The following DAB1 variants were observed in gnomAD, a reference collection of about 807,000 sequenced individuals.
DAB1 encodes disabled homolog 1.
In DAB1, 15 loss-of-function variants were observed where a neutral mutation model predicts 64.6. The observed-to-expected ratio is 0.23, with a 90% CI of 0.16 to 0.36. The LOEUF (loss-of-function observed/expected upper bound fraction) is 0.36, where lower values mean the gene tolerates loss of function less well. Ranked by LOEUF, DAB1 falls within the 10% of genes least tolerant of loss-of-function variation. DAB1 has a pLI of 1.00. For missense variants in DAB1, 596 were observed against 706.7 expected (o/e 0.84, Z 1.78); for synonymous variants, 235 against 251.9 (o/e 0.93, Z 0.64).
chr1:58,020,501 C>T (rs1646800525), intron 5 of DAB1, among the ~76,000 whole-genome samples: 1 of 152,160 alleles, frequency 6.6e-6, no homozygotes, highest in Admixed American at 6.5e-5. Context: ...CATCATTATT[C>T]AGATTTAACC....
Position 57,519,404 on chromosome 1 carries a change from G to A in DAB1, n.625+130188C>T, listed in dbSNP as rs564526618. Among the ~76,000 whole-genome samples the A allele has an allele frequency of 9.9e-5, 15 of 152,222 alleles. 1 individual carries two copies. The South Asian group carries it at 1.9e-3, about 19-fold the overall frequency. ...CACCACTGTGCTGCTGCTGCTATGT[G>A]GAGTCACCACCATGTGCCAGGGCCT... On this transcript the variant is annotated intron_variant and non_coding_transcript_variant, in intron 7 of 20. Coordinates refer to the DAB1 transcript ENST00000485760.
intron 5 of DAB1, chr1:58,048,115 A>C: frequency 1.1e-6 from 1 of 932,512 alleles, no homozygotes; most frequent in Non-Finnish European, 1.7e-6. Flanking sequence ...AATCTGTTGT[A>C]ACCTATAGCT....
Position 57,939,636 on chromosome 1 carries a change from T to C in DAB1, n.388-55474A>G, listed in dbSNP as rs1645075070. Reference sequence around the variant, plus strand: ...ACAATCCAAGTTGGGGGAGGCAGAGTCCATGGCCTTGCCCCAAACCTAGAC... The same window carrying C: ...ACAATCCAAGTTGGGGGAGGCAGAGCCCATGGCCTTGCCCCAAACCTAGAC... On this transcript the variant is annotated intron_variant and non_coding_transcript_variant, in intron 5 of 20. Coordinates refer to the DAB1 transcript ENST00000485760. Among the ~76,000 whole-genome samples, 6 of 152,230 alleles carry C rather than the reference T, an allele frequency of 3.9e-5. No individual in the cohort carries two copies. In the South Asian group the frequency reaches 1.2e-3, roughly 32 times the overall value.
chr1:57,387,513 A>T (rs1390453053), intron 1 of DAB1: 1 of 152,116 alleles, frequency 6.6e-6, no homozygotes, highest in East Asian at 1.9e-4. Flanking sequence ...TCTTCTAATC[A>T]TCAGAGTAAC....
In DAB1 at chr1:57,320,546, C is replaced by T. The variant is rs369537412; in HGVS notation, c.-136-29380G>A. Among the ~76,000 whole-genome samples, 37 of 152,270 alleles carry T rather than the reference C, an allele frequency of 2.4e-4. 1 individual carries two copies. In the East Asian group the frequency reaches 5.4e-3, roughly 22 times the overall value. On this transcript the variant is annotated intron_variant, in intron 1 of 14. Transcript: ENST00000371236. Reference sequence around the variant, plus strand: ...GGAGAATCAAAGATTCTATATAAACCTATCCATGCACATACTACAATGCAT... The same window carrying T: ...GGAGAATCAAAGATTCTATATAAACTTATCCATGCACATACTACAATGCAT...
intron 5 of DAB1, among the ~76,000 whole-genome samples, chr1:58,118,503 T>TATATATATAC (rs1341446315): frequency 0.016 from 854 of 52,952 alleles, 22 homozygotes; most frequent in African/African-American, 0.032. Context: ...TATATATATA[T>TATATATATAC]ACACACACAC....
chr1:57,918,606 C>G (rs1364615956), intron 5 of DAB1, among the ~76,000 whole-genome samples: 1 of 152,106 alleles, frequency 6.6e-6, no homozygotes, highest in Non-Finnish European at 1.5e-5. Flanking sequence ...GGGCAGATCA[C>G]AAAGTCAGGA....
At chr1:57,014,818 A>G (rs904299358) in intron 12 of DAB1, 65 bp downstream of exon 12, 2 of 1,388,656 alleles carry the variant, frequency 1.4e-6, no homozygotes, top group African/African-American at 1.4e-5. Flanking sequence ...GACTCCAGAA[A>G]CCCCGCCTCC....
intron 5 of DAB1, among the ~76,000 whole-genome samples, chr1:57,951,334 T>TATATATA: frequency 3.1e-5 from 2 of 63,886 alleles, no homozygotes; most frequent in African/African-American, 1.1e-4. Context: ...ATATATATAC[T>TATATATA]TCCCTGGAAA....
At chr1:57,749,445 A>G (rs1330930299) in intron 6 of DAB1, among the ~76,000 whole-genome samples, 1 of 152,230 alleles carries the variant, frequency 6.6e-6, no homozygotes, top group Admixed American at 6.5e-5. Context: ...TATTTCATAA[A>G]AGACATATCT....
intron 7 of DAB1, among the ~76,000 whole-genome samples, chr1:57,498,708 T>A (rs1016372810): frequency 3.3e-5 from 5 of 152,174 alleles, no homozygotes; most frequent in Non-Finnish European, 2.9e-5. Flanking sequence ...AGACAGACCT[T>A]TTAAAAATAG....
intron 7 of DAB1, among the ~76,000 whole-genome samples, chr1:57,485,858 A>C (rs1467536514): frequency 6.6e-6 from 1 of 152,208 alleles, no homozygotes; most frequent in Non-Finnish European, 1.5e-5. Flanking sequence ...TTGTGCACCC[A>C]TAAGAGATGT....
At chr1:58,263,191 T>G (rs939318769) in intron 4 of DAB1, among the ~76,000 whole-genome samples, 2 of 152,230 alleles carry the variant, frequency 1.3e-5, no homozygotes, top group Non-Finnish European at 2.9e-5. Context: ...TTTTACTTTT[T>G]GGGAGCTGTA....
intron 4 of DAB1, among the ~76,000 whole-genome samples, chr1:57,121,667 T>C (rs1432937172): frequency 6.6e-6 from 1 of 152,186 alleles, no homozygotes; most frequent in Non-Finnish European, 1.5e-5. Flanking sequence ...GCCTAGGTTT[T>C]CTTCTAGGGT....
intron 7 of DAB1, among the ~76,000 whole-genome samples, chr1:57,429,598 T>C (rs1341982439): frequency 6.6e-6 from 1 of 152,216 alleles, no homozygotes; most frequent in Non-Finnish European, 1.5e-5. Context: ...CTCTGTGTTT[T>C]CTTTTAGGAT....
At chr1:57,492,705 A>G (rs2101283405) in intron 7 of DAB1, among the ~76,000 whole-genome samples, 1 of 152,274 alleles carries the variant, frequency 6.6e-6, no homozygotes, top group South Asian at 2.1e-4. Flanking sequence ...CATAGCTTTA[A>G]CCCTACTGGG....
chr1:57,266,003 G>A (rs564144286), intron 2 of DAB1, among the ~76,000 whole-genome samples: 18 of 152,258 alleles, frequency 1.2e-4, no homozygotes, highest in African/African-American at 3.9e-4. Flanking sequence ...GCTGTTGAGT[G>A]CCACACATGA....
At chr1:58,216,139 T>C (rs1000010638) in intron 4 of DAB1, among the ~76,000 whole-genome samples, 1 of 152,170 alleles carries the variant, frequency 6.6e-6, no homozygotes, top group Non-Finnish European at 1.5e-5. Context: ...CATCAACCCA[T>C]CATCTACATT....
chr1:57,439,418 G>GTTTTTTTTTTGTGTTTTTTTTTGTT, intron 7 of DAB1, among the ~76,000 whole-genome samples: 1 of 116,140 alleles, frequency 8.6e-6, no homozygotes, highest in Admixed American at 8.7e-5. Context: ...TGGTGATGAG[G>GTTTTTTTTTTGTGTTTTTTTTTGTT]TTTTTTCTTT....
Sources: gnomAD v4.1 joint callset for allele counts (sites outside exome capture counted in the v4.1 genomes callset) on GRCh38, gnomAD v4.1.1 for gene constraint, MANE v1.5 for transcripts, NCBI Gene and HGNC (gene_info 2026-07-23, HGNC 2026-07-21) for gene names.